The following LRRC49 variants were observed in gnomAD, a reference collection of about 807,000 sequenced individuals.
The protein encoded by LRRC49 is leucine-rich repeat-containing protein 49.
In LRRC49, 50 loss-of-function variants were observed where a neutral mutation model predicts 83.3. The observed-to-expected ratio is 0.60, with a 90% CI of 0.48 to 0.76. LRRC49 has a LOEUF of 0.76. Among genes scored for constraint, LRRC49 ranks in the 30% least tolerant of loss-of-function variants. The pLI is 0.00. For missense variants in LRRC49, 704 were observed against 809.1 expected (o/e 0.87, Z 1.58); for synonymous variants, 286 against 283.3 (o/e 1.01, Z -0.10).
chr15:71,028,660 G>T (rs1465716748), intron 14 of LRRC49, among the ~76,000 whole-genome samples: 2 of 152,078 alleles, frequency 1.3e-5, no homozygotes, highest in Non-Finnish European at 2.9e-5. Context: ...ACTTCTTCCT[G>T]GTTTAGTCTT....
intron 8 of LRRC49, among the ~76,000 whole-genome samples, chr15:70,958,363 C>A (rs1263720160): frequency 2.0e-5 from 3 of 152,066 alleles, no homozygotes; most frequent in African/African-American, 7.2e-5. Flanking sequence ...AGTTCCCATT[C>A]TTAATTATTG....
intron 14 of LRRC49, among the ~76,000 whole-genome samples, chr15:71,015,934 T>G (rs1044784172): frequency 1.3e-5 from 2 of 152,192 alleles, no homozygotes; most frequent in Non-Finnish European, 2.9e-5. Flanking sequence ...TACTTGCAGC[T>G]CTAAAAATAA....
Position 70,857,971 on chromosome 15 carries a change from G to A in LRRC49, c.-299+4502G>A, listed in dbSNP as rs748033403. The stretch of plus-strand genomic sequence containing the variant: ...TTGGGCTCACAGATAAAACTAGGTT[G>A]TTTGTGAAAAATGTCTAGCACAGAC... On this transcript the variant is annotated intron_variant, in intron 1 of 16. Transcript: ENST00000544974. 3.9e-5 allele frequency among the ~76,000 whole-genome samples: 6 copies of A among 152,208 alleles called. 1 individual carries two copies. Among genetic ancestry groups the A allele is most frequent in the Admixed American group, 2.0e-4 (3 of 15,280 alleles).
At chr15:70,928,403 A>T (rs998025852) in intron 7 of LRRC49, among the ~76,000 whole-genome samples, 43 of 152,116 alleles carry the variant, frequency 2.8e-4, no homozygotes, top group Non-Finnish European at 2.2e-4. Context: ...CTATAAGTTA[A>T]TTTTAAGTTT....
chr15:70,863,797 A>G (rs1264373814), intron 1 of LRRC49, among the ~76,000 whole-genome samples: 1 of 152,242 alleles, frequency 6.6e-6, no homozygotes, highest in Non-Finnish European at 1.5e-5. Context: ...CTGTACATGA[A>G]AACTGAAAAG....
chr15:70,915,331 T>A (rs539797098), intron 6 of LRRC49, among the ~76,000 whole-genome samples: 225 of 152,296 alleles, frequency 1.5e-3, no homozygotes, highest in Admixed American at 2.5e-3. Context: ...ATTCTAATTG[T>A]AAGCCCCACC....
chr15:70,854,200 GC>G, intron 1 of LRRC49: 1 of 736,628 alleles, frequency 1.4e-6, no homozygotes, highest in Non-Finnish European at 1.8e-6. Flanking sequence ...CTGCCGCTCG[GC>G]CCAGGGGAGG....
intron 8 of LRRC49, among the ~76,000 whole-genome samples, chr15:70,957,590 G>T (rs2036447853): frequency 1.3e-5 from 2 of 151,894 alleles, no homozygotes; most frequent in South Asian, 4.1e-4. Flanking sequence ...TTGGTCTTAA[G>T]TTAGGTGTTG....
At chr15:70,875,191 C>T (rs1051927225) in intron 2 of LRRC49, among the ~76,000 whole-genome samples, 9 of 152,156 alleles carry the variant, frequency 5.9e-5, no homozygotes, top group Admixed American at 1.3e-4. Flanking sequence ...AATTCCAATT[C>T]GGCTGCCCAG....
chr15:70,933,165 A>C (rs1281682693), intron 7 of LRRC49, among the ~76,000 whole-genome samples: 1 of 152,170 alleles, frequency 6.6e-6, no homozygotes, highest in Non-Finnish European at 1.5e-5. Flanking sequence ...TCTTGTGGTA[A>C]ATAATTTTTT....
chr15:70,997,679 A>G (rs529731646), intron 11 of LRRC49, among the ~76,000 whole-genome samples: 3 of 152,352 alleles, frequency 2.0e-5, no homozygotes, highest in African/African-American at 7.2e-5. Context: ...TGAACCCAGG[A>G]GGTGGAGGTT....
intron 14 of LRRC49, among the ~76,000 whole-genome samples, chr15:71,027,824 T>C (rs1228823422): frequency 1.3e-5 from 2 of 152,236 alleles, no homozygotes; most frequent in African/African-American, 4.8e-5. Flanking sequence ...AAGTTGCTTA[T>C]CAGCTTAAGG....
intron 11 of LRRC49, among the ~76,000 whole-genome samples, chr15:70,997,000 C>T (rs898291183): frequency 6.6e-6 from 1 of 152,116 alleles, no homozygotes; most frequent in African/African-American, 2.4e-5. Context: ...ATTTTCCATG[C>T]GTACTTGAGA....
chr15:70,894,008 C>T (rs2033713433), intron 2 of LRRC49, among the ~76,000 whole-genome samples: 1 of 152,078 alleles, frequency 6.6e-6, no homozygotes, highest in Non-Finnish European at 1.5e-5. Context: ...GATCCTCCCA[C>T]CTCAGCCTCC....
intron 3 of LRRC49, chr15:70,898,547 G>T: frequency 3.4e-6 from 2 of 585,398 alleles, no homozygotes; most frequent in African/African-American, 1.9e-5. Context: ...GGCCAAGGTG[G>T]GTGGATTGCT....
intron 9 of LRRC49, among the ~76,000 whole-genome samples, chr15:70,977,297 T>A (rs1172903482): frequency 6.6e-6 from 1 of 152,226 alleles, no homozygotes; most frequent in Non-Finnish European, 1.5e-5. Context: ...TCTGCATTTT[T>A]AATTTAGTTT....
intron 8 of LRRC49, among the ~76,000 whole-genome samples, chr15:70,940,291 C>T (rs2035763193): frequency 8.0e-6 from 1 of 124,698 alleles, no homozygotes; most frequent in South Asian, 2.5e-4. Flanking sequence ...GAGTCTCGCT[C>T]TGTCGCCCAG....
At chr15:70,931,354 C>G (rs911650364) in intron 7 of LRRC49, among the ~76,000 whole-genome samples, 1 of 152,028 alleles carries the variant, frequency 6.6e-6, no homozygotes, top group Non-Finnish European at 1.5e-5. Context: ...GTTTGTGATG[C>G]CCCAAAACAA....
At chr15:70,859,703 C>T (rs1351228313) in intron 1 of LRRC49, 1 of 678,896 alleles carries the variant, frequency 1.5e-6, no homozygotes, top group Non-Finnish European at 2.8e-6. Context: ...GATGGCTTCC[C>T]TGGAGGCCAC....
Sources: allele counts gnomAD v4.1 joint callset (sites outside exome capture counted in the v4.1 genomes callset), GRCh38; gene constraint gnomAD v4.1.1; transcripts MANE v1.5; gene names NCBI Gene and HGNC (gene_info 2026-07-23, HGNC 2026-07-21).